The following SNX9 variants were observed in gnomAD, a reference collection of about 807,000 sequenced individuals.
SNX9 encodes sorting nexin 9.
SNX9 carries 44 observed loss-of-function variants against 89.4 expected under a neutral mutation model. That is an observed-to-expected ratio of 0.49 (90% CI 0.39 to 0.63). The LOEUF is 0.63. Among genes scored for constraint, SNX9 ranks in the 30% least tolerant of loss-of-function variants. SNX9 has a pLI of 0.00. For missense variants in SNX9, 578 were observed against 736.1 expected, an observed-to-expected ratio of 0.79 and a Z score of 2.49; for synonymous variants, 236 against 247.8, an observed-to-expected ratio of 0.95 and a Z score of 0.45.
In SNX9 at chr6:157,882,623, T is replaced by C. The variant is rs1445909716; in HGVS notation, c.300+7447T>C. Among the ~76,000 whole-genome samples, 5 of 151,976 alleles carry C rather than the reference T, an allele frequency of 3.3e-5. No homozygotes were observed. The East Asian group carries it at 9.6e-4, about 29-fold the overall frequency. ...GTCAAAATGTCAACATTAACAGGAGTTTGGAAGAAGTAGATTCCAACCCTC... is the reference window on the plus strand; with the variant it reads ...GTCAAAATGTCAACATTAACAGGAGCTTGGAAGAAGTAGATTCCAACCCTC... On this transcript the variant is annotated intron_variant, in intron 4 of 17. Coordinates refer to ENST00000392185, the MANE Select transcript of SNX9 (RefSeq NM_016224.5).
At position 157,907,658 on chromosome 6, in the gene SNX9, T is replaced by C. The variant is rs567806810; in HGVS notation, c.705+1446T>C. On this transcript the variant is annotated intron_variant, in intron 7 of 17. Coordinates refer to ENST00000392185, the MANE Select transcript of SNX9 (RefSeq NM_016224.5). ...CAGAGCTAAGGGTTCCAGCCTTTCA[T>C]TGACCGGCAAGTTTTAAGTAGAACT... 1.4e-4 allele frequency among the ~76,000 whole-genome samples: 22 copies of C among 152,326 alleles called. 1 individual carries two copies. The highest frequency in any genetic ancestry group is 4.1e-4 in the African/African-American group (17 of 41,582).
intron 2 of SNX9, among the ~76,000 whole-genome samples, chr6:157,869,074 A>C (rs936780079): frequency 6.6e-6 from 1 of 152,242 alleles, no homozygotes; most frequent in Non-Finnish European, 1.5e-5. Flanking sequence ...AGAGGTCTGC[A>C]TGCCAGTGTT....
intron 6 of SNX9, among the ~76,000 whole-genome samples, chr6:157,903,455 T>C (rs1783148494): frequency 6.6e-6 from 1 of 152,250 alleles, no homozygotes; most frequent in African/African-American, 2.4e-5. Flanking sequence ...GCATGCATAA[T>C]AAAGTGAATA....
intron 1 of SNX9, among the ~76,000 whole-genome samples, chr6:157,847,454 C>T (rs1781826433): frequency 6.6e-6 from 1 of 152,100 alleles, no homozygotes; most frequent in African/African-American, 2.4e-5. Context: ...CTAAAGTTTT[C>T]CTGATGGTGT....
At position 157,928,696 on chromosome 6, in the gene SNX9, A is replaced by T. The variant is rs775120084; in HGVS notation, c.1282A>T (p.Thr428Ser). 15 of 1,596,672 alleles carry T rather than the reference A, an allele frequency of 9.4e-6. No homozygotes were observed. The highest frequency in any genetic ancestry group is 1.3e-5 in the Non-Finnish European group (15 of 1,172,164). ...GGGGCAGGAGCACTGGAAGCGCTGC[A>T]CGGGCCGTAAGTCCACTCCTCACAG... ...TVGQEHWKRC[T>S]GPLPKEYQKI... Residue 428 changes from threonine to serine, a missense_variant, in exon 12 of 18, where the codon ACG becomes TCG. Coordinates refer to ENST00000392185, the MANE Select transcript of SNX9 (RefSeq NM_016224.5).
intron 4 of SNX9, among the ~76,000 whole-genome samples, chr6:157,876,010 A>C (rs1782512068): frequency 6.6e-6 from 1 of 152,114 alleles, no homozygotes; most frequent in African/African-American, 2.4e-5. Context: ...AAAAGAATTA[A>C]AATATTGTTA....
At chr6:157,911,025 A>G (rs1323464690) in intron 9 of SNX9, among the ~76,000 whole-genome samples, 1 of 152,098 alleles carries the variant, frequency 6.6e-6, no homozygotes, top group Admixed American at 6.5e-5. Context: ...AGGCAGGAGA[A>G]TGGCATGAAC....
intron 1 of SNX9, among the ~76,000 whole-genome samples, chr6:157,858,410 C>T (rs1162778896): frequency 1.3e-5 from 2 of 151,848 alleles, no homozygotes; most frequent in African/African-American, 4.8e-5. Flanking sequence ...TTAGTAGAGA[C>T]GGGGTCTGTC....
chr6:157,934,979 G>A (rs1783894401), intron 13 of SNX9, among the ~76,000 whole-genome samples: 1 of 152,038 alleles, frequency 6.6e-6, no homozygotes, highest in Admixed American at 6.5e-5. Flanking sequence ...AAAAGAAAAT[G>A]TGAGCATTAG....
In SNX9 at chr6:157,902,187, T is replaced by C. The variant is rs1325843589; in HGVS notation, c.620+142T>C. On this transcript the variant is annotated intron_variant, in intron 6 of 17. Coordinates refer to ENST00000392185, the MANE Select transcript of SNX9 (RefSeq NM_016224.5). ...TTGGATATGATTCAGTTATTTTTAT[T>C]TGGATCTTAACTGAGAAGCTTACTT... 10 of 682,170 alleles carry C rather than the reference T, an allele frequency of 1.5e-5. No homozygotes were observed. The South Asian group carries it at 1.9e-4, about 13-fold the overall frequency. 42.3% of individuals were successfully genotyped at this position (682,170 alleles called of 1,614,324 possible).
chr6:157,941,095 C>G, intron 17 of SNX9, 121 bp downstream of exon 17: 1 of 852,652 alleles, frequency 1.2e-6, no homozygotes, highest in Non-Finnish European at 1.8e-6. Flanking sequence ...ACCAAAGGAG[C>G]CTAAATTTTG....
chr6:157,894,704 A>G (rs1005471442), intron 4 of SNX9, among the ~76,000 whole-genome samples: 1 of 152,244 alleles, frequency 6.6e-6, no homozygotes, highest in South Asian at 2.1e-4. Context: ...GTCCCTTTCT[A>G]TGTAAGACAA....
chr6:157,832,796 CAT>C (rs1273269934), intron 1 of SNX9, among the ~76,000 whole-genome samples: 6 of 152,204 alleles, frequency 3.9e-5, no homozygotes, highest in African/African-American at 7.2e-5. Context: ...CCTCCCACAA[CAT>C]GTGGGGATTA....
At position 157,932,887 on chromosome 6, in the gene SNX9, AAAAAAAAG is replaced by A. The variant is rs1158179302; in HGVS notation, c.1366+616_1366+623del. ...GTCTCAAAAAAAAAAAAAAAAAAAAAAAAAAAAGCCAGATTTCATCAAGGCCATTTCAA... is the reference window on the plus strand; with the variant it reads ...GTCTCAAAAAAAAAAAAAAAAAAAAACCAGATTTCATCAAGGCCATTTCAA... On this transcript the variant is annotated intron_variant, in intron 13 of 17. Coordinates refer to ENST00000392185, the MANE Select transcript of SNX9 (RefSeq NM_016224.5). 4.8e-3 allele frequency among the ~76,000 whole-genome samples: 715 copies of A among 149,878 alleles called. 11 individuals carry two copies. Among genetic ancestry groups the A allele is most frequent in the African/African-American group, 0.017 (686 of 40,354 alleles).
intron 1 of SNX9, among the ~76,000 whole-genome samples, chr6:157,838,042 A>G (rs966542881): frequency 1.8e-4 from 27 of 152,252 alleles, no homozygotes; most frequent in Non-Finnish European, 3.1e-4. Context: ...TTTTTTTGAG[A>G]CAGAACCTCA....
chr6:157,914,730 G>A (rs756599239), intron 9 of SNX9, among the ~76,000 whole-genome samples: 1 of 151,926 alleles, frequency 6.6e-6, no homozygotes, highest in African/African-American at 2.4e-5. Context: ...CACCCACTTC[G>A]GCCTCCCAAA....
intron 7 of SNX9, 80 bp downstream of exon 7, chr6:157,906,292 C>A: frequency 9.0e-7 from 1 of 1,110,008 alleles, no homozygotes; most frequent in Non-Finnish European, 1.3e-6. Context: ...GCGAGTTATT[C>A]ATCTTTTGGA....
chr6:157,942,564 C>T (rs1000862859), intron 17 of SNX9, among the ~76,000 whole-genome samples: 6 of 152,232 alleles, frequency 3.9e-5, no homozygotes, highest in African/African-American at 1.4e-4. Flanking sequence ...GTAGACGCCT[C>T]CCGGCGGGAA....
intron 7 of SNX9, 140 bp from the exon 8 acceptor site, chr6:157,909,525 T>G: frequency 1.0e-6 from 1 of 990,490 alleles, no homozygotes; most frequent in South Asian, 1.6e-5. Flanking sequence ...ATTGAACCAT[T>G]TATGTACCTT....
Sources: gnomAD v4.1 joint callset for allele counts (sites outside exome capture counted in the v4.1 genomes callset) on GRCh38, gnomAD v4.1.1 for gene constraint, MANE v1.5 for transcripts, NCBI Gene and HGNC (gene_info 2026-07-23, HGNC 2026-07-21) for gene names.